ZCCHC14: variants seen among roughly 807,000 people sequenced by gnomAD.
ZCCHC14 encodes zinc finger CCHC-type containing 14, also known as zinc finger CCHC domain-containing protein 14.
A neutral mutation model predicts 85.0 loss-of-function variants in ZCCHC14; 16 were observed. The observed-to-expected ratio is 0.19, with a 90% CI of 0.13 to 0.29. The LOEUF (loss-of-function observed/expected upper bound fraction) is 0.29. Ranked by LOEUF, ZCCHC14 falls within the 10% of genes least tolerant of loss-of-function variation. The probability of loss-of-function intolerance (pLI) is 1.00; values close to 1 mark genes in which losing one functional copy is unlikely to be tolerated. For missense variants in ZCCHC14, 1,303 were observed against 1,443.5 expected, an observed-to-expected ratio of 0.90 and a Z score of 1.58; for synonymous variants, 775 against 630.7, an observed-to-expected ratio of 1.23 and a Z score of -3.43.
At chr16:87,489,377 T>C (rs768841517) in intron 1 of ZCCHC14, among the ~76,000 whole-genome samples, 29 of 152,304 alleles carry the variant, frequency 1.9e-4, no homozygotes, top group Middle Eastern at 3.4e-3. Context: ...AAAACCAATT[T>C]AGAACACATA....
chr16:87,427,549 T>C (rs1282177306), intron 3 of ZCCHC14, among the ~76,000 whole-genome samples: 3 of 152,044 alleles, frequency 2.0e-5, no homozygotes, highest in African/African-American at 7.2e-5. Flanking sequence ...AGTGAAAAAA[T>C]AAACTTTGAA....
intron 1 of ZCCHC14, among the ~76,000 whole-genome samples, chr16:87,463,495 G>C (rs1911371330): frequency 6.6e-6 from 1 of 152,194 alleles, no homozygotes; most frequent in African/African-American, 2.4e-5. Context: ...TCTAAGAAGA[G>C]AAAGTGAGCT....
Position 87,453,179 on chromosome 16 carries a change from G to A in ZCCHC14, c.694+6829C>T, listed in dbSNP as rs549826487. On this transcript the variant is annotated intron_variant, in intron 2 of 12. Transcript: ENST00000671377. ...CTCCTGGGGGACAAAGCCATGCTTG[G>A]GAGCGAGCAGCGCTCACGCAGAGCC... Among the ~76,000 whole-genome samples the A allele has an allele frequency of 1.1e-3, 164 of 152,356 alleles. 1 individual carries two copies. The highest frequency in any genetic ancestry group is 2.0e-3 in the Non-Finnish European group (137 of 68,022).
rs1296699063 is a variant in ZCCHC14, at chr16:87,461,847, C to A, written c.571-1716G>T. On this transcript the variant is annotated intron_variant, in intron 1 of 12. Coordinates refer to ENST00000671377, the MANE Select transcript of ZCCHC14 (RefSeq NM_015144.3). ...CCCAGCTCTGTCAATGCCCCTGCCC[C>A]CCAGCAAGAAGCCCTCCTGGGCTGT... Among the ~76,000 whole-genome samples, 4 of 152,240 alleles carry A rather than the reference C, an allele frequency of 2.6e-5. No individual in the cohort carries two copies. The South Asian group carries it at 8.3e-4, about 31-fold the overall frequency.
rs1399846693 is a variant in ZCCHC14 at position 87,408,236 on chromosome 16, TTTCC to T, written c.*2040_*2043del. The T allele has an allele frequency of 6.6e-6, 1 of 152,644 alleles. No individual in the cohort carries two copies. Among genetic ancestry groups the T allele is most frequent in the African/African-American group, 2.4e-5 (1 of 41,448 alleles). The allele number at this position is 152,644 out of a possible 1,614,324, so 9.5% of individuals were successfully genotyped here. A position where few individuals can be genotyped will look rare whatever the true frequency, so the allele number is the denominator to read the frequency against. ...CACTAAAACAAAAATTCCAATGTTT[TTTCC>T]TTTTGTTATGAGACGGTTTTCAACA... On this transcript the variant is annotated 3_prime_UTR_variant, in exon 13 of 13. Coordinates refer to ENST00000671377, the MANE Select transcript of ZCCHC14 (RefSeq NM_015144.3).
At chr16:87,485,869 A>G (rs1912493319) in intron 1 of ZCCHC14, among the ~76,000 whole-genome samples, 1 of 152,230 alleles carries the variant, frequency 6.6e-6, no homozygotes, top group African/African-American at 2.4e-5. Context: ...TGGGTAAACT[A>G]AAGCCTAAGT....
At chr16:87,488,049 G>A (rs1912594082) in intron 1 of ZCCHC14, among the ~76,000 whole-genome samples, 2 of 152,148 alleles carry the variant, frequency 1.3e-5, no homozygotes, top group South Asian at 4.1e-4. Context: ...GGCAGTGGTC[G>A]TGCTTGCACA....
chr16:87,410,901 A>C (rs1380241932), intron 12 of ZCCHC14, among the ~76,000 whole-genome samples: 19 of 152,258 alleles, frequency 1.2e-4, no homozygotes, highest in Non-Finnish European at 2.9e-5. Flanking sequence ...GACTTTGGCA[A>C]GGTGGCACCA....
chr16:87,436,311 G>T (rs1026753738), intron 2 of ZCCHC14, among the ~76,000 whole-genome samples: 4 of 152,266 alleles, frequency 2.6e-5, no homozygotes, highest in Admixed American at 6.5e-5. Flanking sequence ...GCTAGCCTGG[G>T]CAGTGGCGGC....
chr16:87,460,255 T>A (rs1031204287), intron 1 of ZCCHC14, 124 bp from the exon 2 acceptor site: 12 of 1,283,512 alleles, frequency 9.3e-6, no homozygotes, highest in Non-Finnish European at 1.2e-5. Flanking sequence ...CATGTATTAT[T>A]ATAATAATAA....
rs1450091814 is a variant in ZCCHC14 at position 87,492,903 on chromosome 16, C to G, written c.-665G>C. Among the ~76,000 whole-genome samples, 5 of 147,934 alleles carry G rather than the reference C, an allele frequency of 3.4e-5. No individual in the cohort carries two copies. Among genetic ancestry groups the G allele is most frequent in the South Asian group, 2.1e-4 (1 of 4,746 alleles). On this transcript the variant is annotated 5_prime_UTR_variant, in exon 1 of 13. Transcript: ENST00000671377. The surrounding 1 kb of genome is among the most constrained non-coding windows in gnomAD (Gnocchi z 6.7). ...CCCGCGCGGCGGACGGATCCGGGCC[C>G]GAGCGCGGCGGCGGCGGCGACGGCG...
rs1038581002 is a variant in ZCCHC14, at chr16:87,406,869, G to A, written c.*3411C>T. On this transcript the variant is annotated 3_prime_UTR_variant, in exon 13 of 13. Coordinates refer to ENST00000671377, the MANE Select transcript of ZCCHC14 (RefSeq NM_015144.3). ...CTCATTCTTTGGAAGTCACCTGCAT[G>A]CTGGAAATGGCAGCCACCCCCGCTC... 3.3e-5 allele frequency: 5 copies of A among 152,244 alleles called. No homozygotes were observed. The highest frequency in any genetic ancestry group is 9.7e-5 in the African/African-American group (4 of 41,442). The allele number at this position is 152,244 out of a possible 1,614,324, so 9.4% of individuals were successfully genotyped here. A position where few individuals can be genotyped will look rare whatever the true frequency, so the allele number is the denominator to read the frequency against.
chr16:87,414,006 G>T (rs1253320497), intron 10 of ZCCHC14, among the ~76,000 whole-genome samples: 2 of 152,248 alleles, frequency 1.3e-5, no homozygotes, highest in South Asian at 4.1e-4. Flanking sequence ...AATGGAAAAT[G>T]AGTATAAAGA....
At position 87,424,330 on chromosome 16, in the gene ZCCHC14, T is replaced by A. The variant is rs538940566; in HGVS notation, c.769-449A>T. On this transcript the variant is annotated intron_variant, in intron 3 of 12. Coordinates refer to ENST00000671377, the MANE Select transcript of ZCCHC14 (RefSeq NM_015144.3). ...CCGCCCAGGTGCTGTGGGCACACAG[T>A]GAGCCCAGGCCCTGCTCTCAGGACA... Among the ~76,000 whole-genome samples, 94 of 152,234 alleles carry A rather than the reference T, an allele frequency of 6.2e-4. 1 individual carries two copies. The highest frequency in any genetic ancestry group is 2.2e-3 in the African/African-American group (93 of 41,550).
rs928004974 is a variant in ZCCHC14 at position 87,490,094 on chromosome 16, C to T, written c.570+1575G>A. Among the ~76,000 whole-genome samples, 14 of 151,740 alleles carry T rather than the reference C, an allele frequency of 9.2e-5. 1 individual carries two copies. Among genetic ancestry groups the T allele is most frequent in the African/African-American group, 3.4e-4 (14 of 41,270 alleles). ...ACAGCCTGAAATACAGGGTGGGAGCCGAACTTAAAAAGAAAACTATAGTCT... is the reference window on the plus strand; with the variant it reads ...ACAGCCTGAAATACAGGGTGGGAGCTGAACTTAAAAAGAAAACTATAGTCT... On this transcript the variant is annotated intron_variant, in intron 1 of 12. Transcript: ENST00000671377.
chr16:87,462,505 C>A (rs1415535951), intron 1 of ZCCHC14, among the ~76,000 whole-genome samples: 1 of 152,170 alleles, frequency 6.6e-6, no homozygotes, highest in East Asian at 1.9e-4. Context: ...CTTTGGGAGG[C>A]CGAGGCAGGT....
At chr16:87,482,049 C>G (rs1912305115) in intron 1 of ZCCHC14, among the ~76,000 whole-genome samples, 1 of 152,126 alleles carries the variant, frequency 6.6e-6, no homozygotes, top group Admixed American at 6.6e-5. Context: ...AGGATATTAC[C>G]TCATTGTAAT....
chr16:87,415,564 G>A (rs1018586819), intron 8 of ZCCHC14, among the ~76,000 whole-genome samples, 197 bp from the exon 9 acceptor site: 6 of 152,184 alleles, frequency 3.9e-5, no homozygotes, highest in African/African-American at 9.7e-5. Context: ...GTTCAACTCC[G>A]AGACGCAGTT....
chr16:87,476,107 C>G (rs1911993697), intron 1 of ZCCHC14, among the ~76,000 whole-genome samples: 1 of 152,192 alleles, frequency 6.6e-6, no homozygotes, highest in Admixed American at 6.5e-5. Context: ...AACAAAGGAC[C>G]TCACGTCCAG....
Sources: gnomAD v4.1 joint callset for allele counts (sites outside exome capture counted in the v4.1 genomes callset) on GRCh38, gnomAD v4.1.1 for gene constraint, Gnocchi (gnomAD v3.1) non-coding constraint, MANE v1.5 for transcripts, NCBI Gene and HGNC (gene_info 2026-07-23, HGNC 2026-07-21) for gene names.